The following DGKH variants were observed in gnomAD, a reference collection of about 807,000 sequenced individuals.
DGKH encodes the protein DAG kinase eta.
Under a neutral mutation model 159.3 loss-of-function variants are expected in DGKH, and 90 were observed. That is an observed-to-expected ratio of 0.57 (90% CI 0.48 to 0.67). DGKH has a LOEUF of 0.67. Ranked by LOEUF, DGKH falls within the 30% of genes least tolerant of loss-of-function variation. The probability of loss-of-function intolerance (pLI) is 0.00; values close to 1 mark genes in which losing one functional copy is unlikely to be tolerated. For synonymous variants in DGKH, 536 were observed against 553.8 expected, an observed-to-expected ratio of 0.97 and a Z score of 0.45; for missense variants, 1,181 against 1,506.1, an observed-to-expected ratio of 0.78 and a Z score of 3.57.
At chr13:42,142,473 A>T (rs1443202765) in intron 3 of DGKH, among the ~76,000 whole-genome samples, 6 of 151,396 alleles carry the variant, frequency 4.0e-5, no homozygotes, top group Non-Finnish European at 1.5e-5. Flanking sequence ...TTGAATCTAT[A>T]AATTACCTTG....
At position 42,221,305 on chromosome 13, in the gene DGKH, C is replaced by G. The variant is rs765015056; in HGVS notation, c.3484C>G (p.Leu1162Val). The G allele has an allele frequency of 6.2e-7, 1 of 1,613,730 alleles. No homozygotes were observed. Residue 1162 changes from leucine to valine, a missense_variant, in exon 29 of 30, where the codon CTG (leucine) becomes GTG (valine). Physicochemically the swap from Leu to Val is conservative, Grantham distance 32. This residue lies in a region of DGKH where 84 missense variants were observed against 77.9 expected (regional missense o/e 1.08). Transcript: ENST00000337343. ...GTEEVAAWLD[L>V]LNLGEYKDIF... The stretch of plus-strand genomic sequence containing the variant: ...AGAGGAAGTTGCTGCTTGGCTGGAT[C>G]TGCTCAATTTGGGAGAGTACAAAGA...
At position 42,112,803 on chromosome 13, in the gene DGKH, A is replaced by G. The variant is rs149489665; in HGVS notation, c.193-14660A>G. On this transcript the variant is annotated intron_variant, in intron 1 of 29. Transcript: ENST00000337343. Reference sequence around the variant, plus strand: ...TTCCCGCTGTAGTTCTTCCACCAGCATTTGCTTTCCTGGCGAGGTCAGCGA... The same window carrying G: ...TTCCCGCTGTAGTTCTTCCACCAGCGTTTGCTTTCCTGGCGAGGTCAGCGA... Among the ~76,000 whole-genome samples, 539 of 152,242 alleles carry G rather than the reference A, an allele frequency of 3.5e-3. 5 individuals are homozygous for G. The highest frequency in any genetic ancestry group is 0.012 in the African/African-American group (518 of 41,536).
chr13:42,152,032 G>A (rs1349276623), intron 3 of DGKH, among the ~76,000 whole-genome samples: 1 of 152,094 alleles, frequency 6.6e-6, no homozygotes, highest in African/African-American at 2.4e-5. Context: ...CTCATGATGA[G>A]TGATGTTGAG....
intron 29 of DGKH, among the ~76,000 whole-genome samples, chr13:42,228,080 G>A (rs1383073028): frequency 6.6e-6 from 1 of 152,026 alleles, no homozygotes; most frequent in Non-Finnish European, 1.5e-5. Flanking sequence ...GGATTTGGAG[G>A]CCTTAACTGT....
At chr13:42,147,929 C>T (rs1315404709) in intron 3 of DGKH, among the ~76,000 whole-genome samples, 1 of 152,142 alleles carries the variant, frequency 6.6e-6, no homozygotes, top group African/African-American at 2.4e-5. Flanking sequence ...AGCACTTTCA[C>T]ATTTCCTTTC....
chr13:42,095,120 T>C (rs1020637316), intron 1 of DGKH, among the ~76,000 whole-genome samples: 1 of 150,936 alleles, frequency 6.6e-6, no homozygotes, highest in South Asian at 2.1e-4. Flanking sequence ...TGTAATACTT[T>C]CCTAGATATA....
At chr13:42,098,783 C>A (rs1429954791) in intron 1 of DGKH, among the ~76,000 whole-genome samples, 1 of 152,142 alleles carries the variant, frequency 6.6e-6, no homozygotes. Flanking sequence ...TTGAGTGCAT[C>A]TTTGTGCTAA....
chr13:42,069,646 C>G, intron 1 of DGKH: 1 of 1,336,946 alleles, frequency 7.5e-7, no homozygotes. Flanking sequence ...TTTTTCTTTG[C>G]TTTGTTCTTT....
rs1157253013 is a variant in DGKH, at chr13:42,236,881, C to CCTG, written c.*7693_*7694insCTG. 10 of 152,026 alleles carry CCTG rather than the reference C, an allele frequency of 6.6e-5. No individual in the cohort carries two copies. The highest frequency in any genetic ancestry group is 6.6e-4 in the Admixed American group (10 of 15,254). 9.4% of individuals were successfully genotyped at this position (152,026 alleles called of 1,614,324 possible). On this transcript the variant is annotated 3_prime_UTR_variant, in exon 30 of 30. Coordinates refer to ENST00000337343, the MANE Select transcript of DGKH (RefSeq NM_178009.5). ...TCTCGCCACTGCACTCCAGCCTGGG[C>CCTG]GACAGAGCGAGACTCTGTCTCAGGG...
At chr13:42,169,101 T>A (rs1416597075) in intron 11 of DGKH, among the ~76,000 whole-genome samples, 1 of 152,220 alleles carries the variant, frequency 6.6e-6, no homozygotes, top group African/African-American at 2.4e-5. Context: ...TACTACTATT[T>A]ACTTTTAATT....
At chr13:42,140,467 G>A (rs1160831644) in intron 3 of DGKH, 3 of 152,204 alleles carry the variant, frequency 2.0e-5, no homozygotes, top group Non-Finnish European at 2.9e-5. Context: ...TGGAGACACA[G>A]CCTGTAGCTG....
chr13:42,168,550 C>T lies in DGKH; in HGVS notation c.1227+2C>T. The T allele has an allele frequency of 1.9e-6, 3 of 1,614,002 alleles. No homozygotes were observed. Among genetic ancestry groups the T allele is most frequent in the Non-Finnish European group, 2.5e-6 (3 of 1,179,910 alleles). On this transcript the variant is annotated splice_donor_variant, in intron 10 of 29. Coordinates refer to ENST00000337343, the MANE Select transcript of DGKH (RefSeq NM_178009.5). LOFTEE classifies it low-confidence loss of function (GC_TO_GT_DONOR). ...GATAAGCTCAACTTGAATAAACAGG[C>T]AAGTGCTAATTCTTTTACTTGCTAG... is the stretch of plus-strand genomic sequence containing the variant.
At chr13:42,049,028 G>C (rs1881018145) in intron 1 of DGKH, 63 bp downstream of exon 1, 1 of 1,241,814 alleles carries the variant, frequency 8.1e-7, no homozygotes. Context: ...GGGCGCGGGG[G>C]CGCTGGAACG....
At chr13:42,051,646 CTTTTTTTT>C (rs56413015) in intron 1 of DGKH, among the ~76,000 whole-genome samples, 20 of 50,184 alleles carry the variant, frequency 4.0e-4, no homozygotes, top group South Asian at 1.4e-3. Context: ...TCAAAGCCAT[CTTTTTTTT>C]TTTTTTTTTT....
chr13:42,173,705 A>G (rs1336384321), intron 11 of DGKH, among the ~76,000 whole-genome samples: 1 of 152,220 alleles, frequency 6.6e-6, no homozygotes, highest in Non-Finnish European at 1.5e-5. Flanking sequence ...TTTAAATAGA[A>G]CAGAAAAGAA....
At chr13:42,132,629 C>T (rs1214712592) in intron 3 of DGKH, among the ~76,000 whole-genome samples, 1 of 152,192 alleles carries the variant, frequency 6.6e-6, no homozygotes, top group Non-Finnish European at 1.5e-5. Flanking sequence ...TGACCAGGCA[C>T]AGTGGCTCAC....
intron 7 of DGKH, among the ~76,000 whole-genome samples, chr13:42,164,967 T>C (rs1356567181): frequency 2.6e-5 from 4 of 152,168 alleles, no homozygotes; most frequent in African/African-American, 7.2e-5. Context: ...GGCAATGATA[T>C]TGACACACTG....
intron 30 of DGKH, chr13:42,255,842 C>T (rs1958653255): frequency 2.9e-6 from 2 of 698,782 alleles, no homozygotes; most frequent in Non-Finnish European, 4.7e-6. Flanking sequence ...AAAGGGCAGC[C>T]CATTTTTATC....
downstream of DGKH, among the ~76,000 whole-genome samples, chr13:42,246,500 A>G (rs937252154): frequency 2.0e-5 from 3 of 152,264 alleles, no homozygotes; most frequent in Admixed American, 6.5e-5. Flanking sequence ...TTGAGGTACT[A>G]TATCTACATT....
Sources: allele counts gnomAD v4.1 joint callset (sites outside exome capture counted in the v4.1 genomes callset), GRCh38; gene constraint gnomAD v4.1.1; regional missense constraint gnomAD v4.1.1; transcripts MANE v1.5; gene names NCBI Gene and HGNC (gene_info 2026-07-23, HGNC 2026-07-21).